Variants in RAPGEF5 observed in about 807,000 individuals in gnomAD.
RAPGEF5 encodes Rap guanine nucleotide exchange factor 5, also known as M-Ras-regulated GEF.
RAPGEF5 carries 65 observed loss-of-function variants against 125.2 expected under a neutral mutation model. The observed-to-expected ratio is 0.52, with a 90% confidence interval of 0.43 to 0.64. The LOEUF (loss-of-function observed/expected upper bound fraction) is 0.64. Ranked by LOEUF, RAPGEF5 falls within the 30% of genes least tolerant of loss-of-function variation. The pLI is 0.00. For synonymous variants in RAPGEF5, 391 were observed against 385.9 expected (o/e 1.01, Z -0.16); for missense variants, 958 against 1,048.1 (o/e 0.91, Z 1.19).
rs1785052432 is a variant in RAPGEF5, at chr7:22,193,272, C to CGGTTTCA, written c.1204+88_1204+94dup. ...AAGCATATGCTATTTCTCCCCACCC[C>CGGTTTCA]GGTTTCAGCTAACAGTGGGAACCTT... On this transcript the variant is annotated intron_variant, in intron 11 of 25. Coordinates refer to ENST00000665637, the MANE Select transcript of RAPGEF5 (RefSeq NM_012294.5). 2 of 1,347,340 alleles carry CGGTTTCA rather than the reference C, an allele frequency of 1.5e-6. 1 individual carries two copies. Among genetic ancestry groups the CGGTTTCA allele is most frequent in the East Asian group, 5.0e-5 (2 of 39,726 alleles). The allele number at this position is 1,347,340 out of a possible 1,614,324, so 83.5% of individuals were successfully genotyped here. A position where few individuals can be genotyped will look rare whatever the true frequency, so the allele number is the denominator to read the frequency against.
intron 8 of RAPGEF5, 176 bp from the exon 9 acceptor site, chr7:22,220,167 C>T (rs1785750796): frequency 4.0e-6 from 3 of 752,708 alleles, no homozygotes; most frequent in Non-Finnish European, 2.1e-6. Context: ...AACCTAAGAG[C>T]ACCATGCCAA....
At chr7:22,238,919 A>T (rs996572568) in intron 7 of RAPGEF5, among the ~76,000 whole-genome samples, 1 of 152,218 alleles carries the variant, frequency 6.6e-6, no homozygotes, top group Non-Finnish European at 1.5e-5. Context: ...ATCTGTACCA[A>T]TATGTTTTAA....
chr7:22,174,647 G>A (rs1784450152), intron 11 of RAPGEF5, among the ~76,000 whole-genome samples: 1 of 152,182 alleles, frequency 6.6e-6, no homozygotes, highest in South Asian at 2.1e-4. Context: ...AAAGAAATAG[G>A]TTGGAGGAAA....
In RAPGEF5 at chr7:22,357,010, C is replaced by T. The variant is rs911017676; in HGVS notation, c.51G>A (p.Pro17=). 2.0e-5 allele frequency: 21 copies of T among 1,026,814 alleles called. No individual in the cohort carries two copies. In the African/African-American group the frequency reaches 3.5e-4, roughly 17 times the overall value. 63.6% of individuals were successfully genotyped at this position (1,026,814 alleles called of 1,614,324 possible). Residue 17 remains proline (P), a synonymous_variant, in exon 1 of 26, where the codon CCG becomes CCA. Transcript: ENST00000665637. ...CCACCGCCGCCGCGGCGGCCAGGGC[C>T]GGGCTCTCGCACGGCGGCTGCATCT... The part of the protein sequence containing the change: ...SVKMQPPCES[P]ALAAAAAVVA...
intron 11 of RAPGEF5, among the ~76,000 whole-genome samples, chr7:22,185,162 A>G (rs1784791392): frequency 6.6e-6 from 1 of 152,244 alleles, no homozygotes; most frequent in Non-Finnish European, 1.5e-5. Flanking sequence ...TCTTCGGGAT[A>G]CAACTCGGAA....
At chr7:22,175,538 G>A (rs141117003) in intron 11 of RAPGEF5, among the ~76,000 whole-genome samples, 36 of 152,188 alleles carry the variant, frequency 2.4e-4, no homozygotes, top group African/African-American at 6.0e-4. Flanking sequence ...TCATGGGCAC[G>A]AAGCCTTCAG....
chr7:22,161,614 A>C (rs1784003748), intron 13 of RAPGEF5, among the ~76,000 whole-genome samples: 1 of 151,820 alleles, frequency 6.6e-6, no homozygotes, highest in Non-Finnish European at 1.5e-5. Context: ...GAAAAAAGTC[A>C]ATTGAATTAA....
intron 6 of RAPGEF5, among the ~76,000 whole-genome samples, chr7:22,271,007 G>A (rs1396938182): frequency 1.3e-5 from 2 of 152,108 alleles, no homozygotes; most frequent in Non-Finnish European, 2.9e-5. Context: ...CTCTACTAGT[G>A]TTACATTAAA....
rs1322521837 is a variant in RAPGEF5 at position 22,297,106 on chromosome 7, C to T, written c.681-5865G>A. ...TGAAGAGTTTTGCTGTAAAAGGGAA[C>T]AGAGACATTGTGCAGCAGCTAGAGG... is the stretch of plus-strand genomic sequence containing the variant. On this transcript the variant is annotated intron_variant, in intron 5 of 25. Transcript: ENST00000665637. Among the ~76,000 whole-genome samples the T allele has an allele frequency of 2.0e-5, 3 of 152,070 alleles. No homozygotes were observed. The East Asian group carries it at 5.8e-4, about 29-fold the overall frequency.
At chr7:22,267,890 G>C (rs187209539) in intron 6 of RAPGEF5, among the ~76,000 whole-genome samples, 1 of 152,012 alleles carries the variant, frequency 6.6e-6, no homozygotes, top group East Asian at 1.9e-4. Context: ...GCGGGTGGGG[G>C]TATCAGGCAG....
rs930783851 is a variant in RAPGEF5 at position 22,233,714 on chromosome 7, G to T, written c.797-2795C>A. On this transcript the variant is annotated intron_variant, in intron 7 of 25. Transcript: ENST00000665637. ...CACCTGGCCTCACACTACATTTTAA[G>T]CTTTAGGAATAATTCTTAATACATA... 2.0e-5 allele frequency among the ~76,000 whole-genome samples: 3 copies of T among 152,086 alleles called. No homozygotes were observed. In the East Asian group the frequency reaches 5.8e-4, roughly 29 times the overall value.
chr7:22,250,674 G>T (rs955127228), intron 7 of RAPGEF5, among the ~76,000 whole-genome samples: 1 of 152,122 alleles, frequency 6.6e-6, no homozygotes, highest in Non-Finnish European at 1.5e-5. Context: ...GGAAAAAAAG[G>T]CCTTCAGTAG....
intron 14 of RAPGEF5, 65 bp from the exon 15 acceptor site, chr7:22,157,950 C>G (rs1434682724): frequency 2.7e-6 from 4 of 1,476,702 alleles, no homozygotes; most frequent in Non-Finnish European, 2.8e-6. Context: ...GTTATTGTTA[C>G]GGAAGACTAA....
chr7:22,216,847 T>G (rs56119941), intron 9 of RAPGEF5, among the ~76,000 whole-genome samples: 51,049 of 152,162 alleles, frequency 0.34, 8,799 homozygotes, highest in Middle Eastern at 0.41. Context: ...GGCAAAAGCA[T>G]AGAGTGAAGC....
At chr7:22,349,067 T>G in intron 1 of RAPGEF5, among the ~76,000 whole-genome samples, 1 of 140,390 alleles carries the variant, frequency 7.1e-6, no homozygotes, top group African/African-American at 2.7e-5. Context: ...CCAGGCTGGG[T>G]GAAAGAGCAA....
At chr7:22,215,379 T>C (rs1254854578) in intron 9 of RAPGEF5, among the ~76,000 whole-genome samples, 2 of 152,214 alleles carry the variant, frequency 1.3e-5, no homozygotes, top group Non-Finnish European at 2.9e-5. Flanking sequence ...TCAAACTACT[T>C]CTGCCCTATG....
intron 11 of RAPGEF5, among the ~76,000 whole-genome samples, chr7:22,184,648 A>AATCAGTGT (rs1784774567): frequency 6.6e-6 from 1 of 152,172 alleles, no homozygotes; most frequent in African/African-American, 2.4e-5. Context: ...TTCCGTTATT[A>AATCAGTGT]ATCAGTGTAT....
intron 1 of RAPGEF5, among the ~76,000 whole-genome samples, chr7:22,319,715 G>A (rs111504451): frequency 3.9e-5 from 6 of 151,956 alleles, no homozygotes; most frequent in Admixed American, 2.0e-4. Flanking sequence ...TCTCCAAACA[G>A]GTAGACTTTT....
chr7:22,273,681 G>A (rs960989867), intron 6 of RAPGEF5, among the ~76,000 whole-genome samples: 12 of 152,144 alleles, frequency 7.9e-5, no homozygotes, highest in African/African-American at 2.7e-4. Flanking sequence ...GATTTTAAAC[G>A]TCTATTAAGT....
Sources: gnomAD v4.1 joint callset for allele counts (sites outside exome capture counted in the v4.1 genomes callset) on GRCh38, gnomAD v4.1.1 for gene constraint, MANE v1.5 for transcripts, NCBI Gene and HGNC (gene_info 2026-07-23, HGNC 2026-07-21) for gene names.